The following COL6A6 variants were observed in gnomAD, a reference collection of about 807,000 sequenced individuals.
The protein encoded by COL6A6 is collagen type VI alpha 6 chain.
In COL6A6, 183 loss-of-function variants were observed where a neutral mutation model predicts 208.6. The observed-to-expected ratio is 0.88, with a 90% CI of 0.78 to 0.99. The LOEUF is 0.99. COL6A6 is among the 50% of genes least tolerant of loss of function. The pLI, the probability that COL6A6 is intolerant of heterozygous loss-of-function variation, is 0.00. For missense variants in COL6A6, 2,816 were observed against 2,815.2 expected (o/e 1.00, Z -0.01); for synonymous variants, 973 against 1,011.8 (o/e 0.96, Z 0.73).
At chr3:130,612,517 G>C (rs2064389419) in intron 23 of COL6A6, among the ~76,000 whole-genome samples, 1 of 152,154 alleles carries the variant, frequency 6.6e-6, no homozygotes, top group Non-Finnish European at 1.5e-5. Context: ...TCTAATCAGT[G>C]ATTTTGAGCA....
rs2063426478 is a variant in COL6A6 at position 130,581,715 on chromosome 3, G to A, written c.3702G>A (p.Glu1234=). The A allele has an allele frequency of 1.2e-6, 2 of 1,613,874 alleles. No individual in the cohort carries two copies. The highest frequency in any genetic ancestry group is 3.3e-5 in the Admixed American group (2 of 60,000). Residue 1234 remains glutamate (E), a synonymous_variant, in exon 9 of 37, where the codon GAG becomes GAA. Coordinates refer to ENST00000358511, the MANE Select transcript of COL6A6 (RefSeq NM_001102608.3). Reference sequence around the variant, plus strand: ...GAGTAAGCTGTGAGGTGGGCACAGAGACTCAGGTCAGTGTGGCTTTTCAAG... The same window carrying A: ...GAGTAAGCTGTGAGGTGGGCACAGAAACTCAGGTCAGTGTGGCTTTTCAAG... ...LNGVSCEVGT[E]TQVSVAFQVT...
intron 36 of COL6A6, among the ~76,000 whole-genome samples, chr3:130,672,847 A>G (rs2108497865): frequency 6.6e-6 from 1 of 151,480 alleles, no homozygotes; most frequent in Non-Finnish European, 1.5e-5. Context: ...CATCCCTACT[A>G]AAAATACAAA....
chr3:130,524,593 A>G (rs1376414887), intron 1 of COL6A6, among the ~76,000 whole-genome samples: 1 of 150,876 alleles, frequency 6.6e-6, no homozygotes, highest in Non-Finnish European at 1.5e-5. Context: ...CTTAGCTGCA[A>G]AATTCTTTAA....
At chr3:130,659,676 G>A (rs1168254418) in intron 34 of COL6A6, among the ~76,000 whole-genome samples, 1 of 152,142 alleles carries the variant, frequency 6.6e-6, no homozygotes, top group Non-Finnish European at 1.5e-5. Context: ...AACCCAAGAA[G>A]GCTGACTCTA....
chr3:130,647,049 C>T (rs933808980), intron 32 of COL6A6, among the ~76,000 whole-genome samples: 1 of 152,136 alleles, frequency 6.6e-6, no homozygotes, highest in African/African-American at 2.4e-5. Flanking sequence ...ATCCTTGCCT[C>T]CCTGTTCTTT....
chr3:130,593,311 CAG>C, intron 17 of COL6A6, 59 bp downstream of exon 17: 1 of 1,344,760 alleles, frequency 7.4e-7, no homozygotes, highest in Non-Finnish European at 1.1e-6. Context: ...GTGTGATTAA[CAG>C]AGTAGAATAC....
At chr3:130,667,182 A>T (rs1256792543) in intron 36 of COL6A6, among the ~76,000 whole-genome samples, 1 of 152,204 alleles carries the variant, frequency 6.6e-6, no homozygotes, top group African/African-American at 2.4e-5. Flanking sequence ...AGGGAATGAG[A>T]TGCAAGAGGC....
chr3:130,552,430 G>T (rs2062664178), intron 1 of COL6A6, among the ~76,000 whole-genome samples: 1 of 152,078 alleles, frequency 6.6e-6, no homozygotes, highest in Non-Finnish European at 1.5e-5. Context: ...TTTAAAGTCT[G>T]TTTTGTCTAA....
At chr3:130,546,242 G>C (rs2107775651) in intron 1 of COL6A6, among the ~76,000 whole-genome samples, 1 of 152,208 alleles carries the variant, frequency 6.6e-6, no homozygotes, top group Middle Eastern at 3.4e-3. Flanking sequence ...TTTCCTTCTG[G>C]TGGGTTTGTG....
intron 10 of COL6A6, among the ~76,000 whole-genome samples, chr3:130,582,517 CT>C (rs933704868): frequency 6.6e-6 from 1 of 152,156 alleles, no homozygotes; most frequent in African/African-American, 2.4e-5. Flanking sequence ...TGTTTTGCAG[CT>C]TTCTAATCAG....
At chr3:130,592,657 A>G (rs765289544) in intron 14 of COL6A6, 39 bp from the exon 15 acceptor site, 2 of 1,612,572 alleles carry the variant, frequency 1.2e-6, no homozygotes, top group Non-Finnish European at 1.7e-6. Flanking sequence ...TATTAATTAC[A>G]TTTTCCTACA....
chr3:130,675,765 TC>T lies in COL6A6; in HGVS notation c.*370del. ...CATTTTCTGCAAACCCATCCTCCTTTCCTAATTTAGTAATGTCTAATGCTCA... is the reference window on the plus strand; with the variant it reads ...CATTTTCTGCAAACCCATCCTCCTTTCTAATTTAGTAATGTCTAATGCTCA... On this transcript the variant is annotated 3_prime_UTR_variant, in exon 37 of 37. Coordinates refer to ENST00000358511, the MANE Select transcript of COL6A6 (RefSeq NM_001102608.3). The T allele has an allele frequency of 6.1e-6, 1 of 162,876 alleles. No individual in the cohort carries two copies. The highest frequency in any genetic ancestry group is 1.3e-5 in the Non-Finnish European group (1 of 75,296). The allele number at this position is 162,876 out of a possible 1,614,324, so 10.1% of individuals were successfully genotyped here.
chr3:130,657,207 A>G (rs929692267), intron 33 of COL6A6, among the ~76,000 whole-genome samples: 18 of 152,222 alleles, frequency 1.2e-4, no homozygotes, highest in African/African-American at 1.9e-4. Context: ...CCCAGCTCCC[A>G]GGGTTCCATG....
Position 130,626,697 on chromosome 3 carries a change from T to G in COL6A6, c.4941+150T>G, listed in dbSNP as rs547177112. On this transcript the variant is annotated intron_variant, in intron 25 of 36. Transcript: ENST00000358511. ...AATTAGGAGGGATATTGTCTTCATC[T>G]TAGTTCCTTGGCCAGCTTTCCCAAG... 5 of 606,202 alleles carry G rather than the reference T, an allele frequency of 8.2e-6. No homozygotes were observed. In the South Asian group the frequency reaches 1.2e-4, roughly 15 times the overall value. The allele number at this position is 606,202 out of a possible 1,614,324, so 37.6% of individuals were successfully genotyped here.
intron 22 of COL6A6, among the ~76,000 whole-genome samples, chr3:130,610,067 T>C (rs7636350): frequency 0.38 from 57,220 of 151,472 alleles, 14,556 homozygotes; most frequent in African/African-American, 0.71. Context: ...AGTAATACTA[T>C]GGCATCCCTT....
At chr3:130,673,178 CA>C (rs369915283) in intron 36 of COL6A6, among the ~76,000 whole-genome samples, 535 of 47,896 alleles carry the variant, frequency 0.011, 1 homozygote, top group African/African-American at 0.037. Flanking sequence ...GACTCTATCT[CA>C]AAAAAAAAAA....
intron 20 of COL6A6, among the ~76,000 whole-genome samples, chr3:130,603,101 C>T (rs1413980943): frequency 6.6e-6 from 1 of 152,200 alleles, no homozygotes; most frequent in East Asian, 1.9e-4. Context: ...CTCATTTGAA[C>T]ACCTACAGTC....
At chr3:130,669,706 A>AT (rs1220559561) in intron 36 of COL6A6, among the ~76,000 whole-genome samples, 2 of 152,236 alleles carry the variant, frequency 1.3e-5, no homozygotes, top group Non-Finnish European at 2.9e-5. Flanking sequence ...AGAACTTAAT[A>AT]TTTTTTAAAA....
At chr3:130,561,166 T>C (rs931512428) in intron 2 of COL6A6, among the ~76,000 whole-genome samples, 1 of 152,254 alleles carries the variant, frequency 6.6e-6, no homozygotes, top group Non-Finnish European at 1.5e-5. Flanking sequence ...TATCAGAACC[T>C]GAGTCCGCCT....
Sources: gnomAD v4.1 joint callset for allele counts (sites outside exome capture counted in the v4.1 genomes callset) on GRCh38, gnomAD v4.1.1 for gene constraint, MANE v1.5 for transcripts, NCBI Gene and HGNC (gene_info 2026-07-23, HGNC 2026-07-21) for gene names.